The following CRTC1 variants were observed in gnomAD, a reference collection of about 807,000 sequenced individuals.
CRTC1 encodes CREB regulated transcription coactivator 1.
Under a neutral mutation model 66.1 loss-of-function variants are expected in CRTC1, and 18 were observed. That is an observed-to-expected ratio of 0.27 (90% CI 0.19 to 0.40). The LOEUF is 0.40. Among genes scored for constraint, CRTC1 ranks in the 10% least tolerant of loss-of-function variants. The pLI is 1.00. For missense variants in CRTC1, 669 were observed against 887.9 expected, an observed-to-expected ratio of 0.75 and a Z score of 3.13; for synonymous variants, 416 against 398.8, an observed-to-expected ratio of 1.04 and a Z score of -0.51.
chr19:18,758,763 A>C, intron 6 of CRTC1, among the ~76,000 whole-genome samples: 1 of 152,302 alleles, frequency 6.6e-6, no homozygotes, highest in Middle Eastern at 3.4e-3. Flanking sequence ...CCCCTGACTC[A>C]GTTCTTCCCT....
In CRTC1 at chr19:18,760,790, G is replaced by A. The variant is rs1369314403; in HGVS notation, c.886+562G>A. On this transcript the variant is annotated intron_variant, in intron 8 of 13. Coordinates refer to ENST00000321949, the MANE Select transcript of CRTC1 (RefSeq NM_015321.3). This position sits in a 1 kb window ranked among gnomAD's most constrained non-coding sequence, Gnocchi z 6.2. ...GCTCCCCCGGGACCCCCCTCCTGTG[G>A]CTGCACTGATTGCAGAGGTGTCCCC... 6.6e-6 allele frequency among the ~76,000 whole-genome samples: 1 copy of A among 151,944 alleles called. No homozygotes were observed. The highest frequency in any genetic ancestry group is 2.4e-5 in the African/African-American group (1 of 41,322).
chr19:18,769,821 C>G (rs2054822406), intron 10 of CRTC1, among the ~76,000 whole-genome samples: 6 of 152,164 alleles, frequency 3.9e-5, no homozygotes. Flanking sequence ...CTTCCTGCCC[C>G]CACTTCAAGG....
intron 1 of CRTC1, among the ~76,000 whole-genome samples, chr19:18,700,631 G>T (rs565949210): frequency 4.4e-4 from 67 of 152,342 alleles, no homozygotes; most frequent in African/African-American, 1.4e-3. Context: ...GGGTGCAGAG[G>T]GTGGGTGGGT....
rs908447274 is a variant in CRTC1 at position 18,778,023 on chromosome 19, T to C, written c.*641T>C. Reference sequence around the variant, plus strand: ...GGGCAGGCGCAAAGTGGACAGAGCATGCAGGGCGGCGGACCCCCCCACGAC... The same window carrying C: ...GGGCAGGCGCAAAGTGGACAGAGCACGCAGGGCGGCGGACCCCCCCACGAC... On this transcript the variant is annotated 3_prime_UTR_variant, in exon 14 of 14. Transcript: ENST00000321949. 4.7e-5 allele frequency: 11 copies of C among 235,062 alleles called. No individual in the cohort carries two copies. Among genetic ancestry groups the C allele is most frequent in the Non-Finnish European group, 8.4e-5 (10 of 119,584 alleles). 14.6% of individuals were successfully genotyped at this position (235,062 alleles called of 1,614,324 possible).
intron 2 of CRTC1, chr19:18,744,213 G>A (rs1470659197): frequency 1.1e-5 from 17 of 1,552,584 alleles, no homozygotes; most frequent in East Asian, 2.3e-5. Flanking sequence ...GCAAGACCCC[G>A]ACCCGTGTGC....
At chr19:18,764,196 C>T (rs759848437) in intron 8 of CRTC1, among the ~76,000 whole-genome samples, 4 of 152,338 alleles carry the variant, frequency 2.6e-5, no homozygotes, top group African/African-American at 2.4e-5. Context: ...CCCACGCACC[C>T]GCCGTCTCAT....
intron 1 of CRTC1, among the ~76,000 whole-genome samples, chr19:18,704,773 T>C (rs567605788): frequency 3.2e-4 from 48 of 152,288 alleles, no homozygotes; most frequent in Non-Finnish European, 5.3e-4. Context: ...TAACCTTAAG[T>C]GTGCAGTTCA....
chr19:18,738,933 G>A (rs2054055723), intron 1 of CRTC1, among the ~76,000 whole-genome samples: 1 of 152,226 alleles, frequency 6.6e-6, no homozygotes, highest in South Asian at 2.1e-4. Context: ...GGGTCAGTGG[G>A]GAAAGGACAA....
chr19:18,756,334 C>CAAA (rs56092227), intron 6 of CRTC1, among the ~76,000 whole-genome samples: 1,544 of 72,836 alleles, frequency 0.021, 136 homozygotes, highest in African/African-American at 0.081. Flanking sequence ...AACTCCATCT[C>CAAA]AAAAAAAAAA....
At chr19:18,742,843 G>C in intron 1 of CRTC1, 67 bp from the exon 2 acceptor site, 1 of 1,195,330 alleles carries the variant, frequency 8.4e-7, no homozygotes. Flanking sequence ...TTGTGCCTTT[G>C]GGGCTGGCAC....
In CRTC1 at chr19:18,781,617, C is replaced by G. The variant is rs2055105823; in HGVS notation, c.*4235C>G. The G allele has an allele frequency of 4.3e-6, 1 of 230,024 alleles. No individual in the cohort carries two copies. Among genetic ancestry groups the G allele is most frequent in the East Asian group, 6.2e-5 (1 of 16,232 alleles). 14.2% of individuals were successfully genotyped at this position (230,024 alleles called of 1,614,324 possible). On this transcript the variant is annotated 3_prime_UTR_variant, in exon 14 of 14. Transcript: ENST00000321949. ...CCCCAGGCCTGGGTGCTGGGGAGTTCCTGAGGGCATGGGTGGGGCAGGAGT... is the reference window on the plus strand; with the variant it reads ...CCCCAGGCCTGGGTGCTGGGGAGTTGCTGAGGGCATGGGTGGGGCAGGAGT...
In CRTC1 at chr19:18,768,383, C is replaced by A; in HGVS notation, c.1012-102C>A. The A allele has an allele frequency of 1.1e-6, 1 of 935,158 alleles. No individual in the cohort carries two copies. The highest frequency in any genetic ancestry group is 1.7e-5 in the African/African-American group (1 of 59,594). The allele number at this position is 935,158 out of a possible 1,614,324, so 57.9% of individuals were successfully genotyped here. On this transcript the variant is annotated intron_variant, in intron 9 of 13. Coordinates refer to ENST00000321949, the MANE Select transcript of CRTC1 (RefSeq NM_015321.3). The surrounding 1 kb of genome is among the most constrained non-coding windows in gnomAD (Gnocchi z 5.6). ...CCAGGGGCTGCCTGTGATCACAGGG[C>A]CCTTCCACCTCGCCTGCTGAGCATG... is the stretch of plus-strand genomic sequence containing the variant.
At chr19:18,744,036 G>A in intron 2 of CRTC1, 1 of 1,545,632 alleles carries the variant, frequency 6.5e-7, no homozygotes, top group Non-Finnish European at 8.9e-7. Context: ...CCGGGGGGAG[G>A]TCCCACGCAT....
chr19:18,740,912 G>A (rs764380410), intron 1 of CRTC1, among the ~76,000 whole-genome samples: 26 of 152,284 alleles, frequency 1.7e-4, no homozygotes, highest in Non-Finnish European at 1.5e-5. Flanking sequence ...GGCTGAGGCA[G>A]GAGAATCACT....
chr19:18,717,772 G>T (rs2053540674), intron 1 of CRTC1, among the ~76,000 whole-genome samples: 1 of 152,122 alleles, frequency 6.6e-6, no homozygotes, highest in African/African-American at 2.4e-5. Context: ...AGGGCCTCTC[G>T]CAGGACGGTT....
intron 1 of CRTC1, among the ~76,000 whole-genome samples, chr19:18,710,766 T>C (rs1047243822): frequency 1.3e-5 from 2 of 152,208 alleles, no homozygotes; most frequent in African/African-American, 4.8e-5. Flanking sequence ...CACCCGCCAC[T>C]GTGCCCGGCT....
chr19:18,711,991 C>T (rs753063736), intron 1 of CRTC1, among the ~76,000 whole-genome samples: 17 of 152,164 alleles, frequency 1.1e-4, no homozygotes, highest in Admixed American at 3.9e-4. Context: ...CTCTGTTGCC[C>T]AGGCTGGAGT....
Position 18,745,888 on chromosome 19 carries a change from G to A in CRTC1, c.309G>A (p.Arg103=), listed in dbSNP as rs370097416. 4 of 1,613,600 alleles carry A rather than the reference G, an allele frequency of 2.5e-6. No individual in the cohort carries two copies. In the East Asian group the frequency reaches 6.7e-5, roughly 27 times the overall value. The change falls in exon 3 of 14, where the codon AGG becomes AGA. Residue 103 remains arginine (R), a synonymous_variant. Coordinates refer to ENST00000321949, the MANE Select transcript of CRTC1 (RefSeq NM_015321.3). ...RTTRHHGLVD[R]VYRERGRLGS... is the part of the protein sequence containing the mutation. ...CCCGGCACCATGGGCTGGTGGACAGGGTGTACCGGGAGCGTGGCCGGCTCG... is the reference window on the plus strand; with the variant it reads ...CCCGGCACCATGGGCTGGTGGACAGAGTGTACCGGGAGCGTGGCCGGCTCG...
At chr19:18,697,189 C>T (rs982982755) in intron 1 of CRTC1, among the ~76,000 whole-genome samples, 9 of 152,054 alleles carry the variant, frequency 5.9e-5, no homozygotes, top group African/African-American at 2.2e-4. Flanking sequence ...CAACTGGAAA[C>T]GAAGCATGGC....
Sources: allele counts gnomAD v4.1 joint callset (sites outside exome capture counted in the v4.1 genomes callset), GRCh38; gene constraint gnomAD v4.1.1; non-coding constraint Gnocchi (gnomAD v3.1); transcripts MANE v1.5; gene names NCBI Gene and HGNC (gene_info 2026-07-23, HGNC 2026-07-21).